PHEX: variants seen among roughly 807,000 people sequenced by gnomAD.
PHEX encodes the protein phosphate-regulating neutral endopeptidase PHEX.
In PHEX, 16 loss-of-function variants were observed where a neutral mutation model predicts 68.0. That is an observed-to-expected ratio of 0.24 (90% CI 0.16 to 0.36). The LOEUF is 0.36. Ranked by LOEUF, PHEX falls within the 10% of genes least tolerant of loss-of-function variation. PHEX has a pLI of 1.00. For synonymous variants in PHEX, 208 were observed against 205.1 expected, an observed-to-expected ratio of 1.01 and a Z score of -0.12; for missense variants, 480 against 575.5, an observed-to-expected ratio of 0.83 and a Z score of 1.70.
intron 14 of PHEX, among the ~76,000 whole-genome samples, chrX:22,183,327 T>G (rs979297034): frequency 3.9e-4 from 43 of 111,282 alleles, no homozygotes; most frequent in African/African-American, 1.3e-3. Flanking sequence ...AATATGCACC[T>G]GAAAAATTCA....
intron 12 of PHEX, among the ~76,000 whole-genome samples, chrX:22,134,253 A>G (rs1932138727): frequency 8.9e-6 from 1 of 112,192 alleles, no homozygotes; most frequent in African/African-American, 3.2e-5. Flanking sequence ...ATGCGACACG[A>G]TAAGGGAACA....
intron 21 of PHEX, 40 bp from the exon 22 acceptor site, chrX:22,247,811 A>G (rs746032478): frequency 3.2e-6 from 3 of 947,162 alleles, no homozygotes; most frequent in Non-Finnish European, 4.6e-6. Flanking sequence ...GTTGATGTGC[A>G]AGAATTATAT....
intron 12 of PHEX, among the ~76,000 whole-genome samples, chrX:22,150,838 G>T (rs901538944): frequency 1.8e-5 from 2 of 112,500 alleles, no homozygotes; most frequent in Non-Finnish European, 3.8e-5. Flanking sequence ...AGCCCCAATT[G>T]TCCCTTGGTT....
chrX:22,033,212 G>A (rs1363111847), intron 1 of PHEX, 89 bp downstream of exon 1: 9 of 633,500 alleles, frequency 1.4e-5, no homozygotes, highest in Non-Finnish European at 5.4e-6. Context: ...CATAACACAG[G>A]TATAGGGCTG....
At chrX:22,209,656 C>T (rs954698683) in intron 15 of PHEX, among the ~76,000 whole-genome samples, 58 of 108,855 alleles carry the variant, frequency 5.3e-4, no homozygotes, top group African/African-American at 1.9e-3. Context: ...ACTAGTTAAA[C>T]GTCTCTCTCC....
At chrX:22,229,645 T>C (rs1232502044) in intron 20 of PHEX, among the ~76,000 whole-genome samples, 8 of 112,426 alleles carry the variant, frequency 7.1e-5, no homozygotes, top group African/African-American at 2.6e-4. Flanking sequence ...TACTAGCCCT[T>C]TGTCAAATGG....
Position 22,062,123 on chromosome X carries a change from T to C in PHEX, c.350-14265T>C, listed in dbSNP as rs770703030. Among the ~76,000 whole-genome samples, 3 of 111,455 alleles carry C rather than the reference T, an allele frequency of 2.7e-5. No individual in the cohort carries two copies. In the South Asian group the frequency reaches 1.1e-3, roughly 42 times the overall value. ...CATGATCTAATCACCTCCCATGACG[T>C]TCTTCCCTCAACACGTGGGGATTAT... On this transcript the variant is annotated intron_variant, in intron 3 of 21. Transcript: ENST00000379374.
At chrX:22,212,637 G>A (rs1934965396) in intron 15 of PHEX, among the ~76,000 whole-genome samples, 1 of 111,939 alleles carries the variant, frequency 8.9e-6, no homozygotes, top group Admixed American at 9.4e-5. Flanking sequence ...AGCATGCCAT[G>A]TATGAAGGAG....
chrX:22,126,597 G>C (rs1169706925), intron 11 of PHEX, among the ~76,000 whole-genome samples: 1 of 111,409 alleles, frequency 9.0e-6, no homozygotes, highest in Non-Finnish European at 1.9e-5. Flanking sequence ...AGGAGCAGGA[G>C]AGATAATTTA....
chrX:22,137,621 C>T (rs1471168769), intron 12 of PHEX, among the ~76,000 whole-genome samples: 2 of 111,476 alleles, frequency 1.8e-5, no homozygotes, highest in Non-Finnish European at 3.8e-5. Flanking sequence ...TGGTGGTTCT[C>T]AAGGTGTGGT....
chrX:22,099,526 G>C (rs1329320758), intron 9 of PHEX, among the ~76,000 whole-genome samples: 1 of 100,822 alleles, frequency 9.9e-6, no homozygotes, highest in Non-Finnish European at 2.0e-5. Context: ...TTTTTTCCTG[G>C]TTCCTTTTTA....
intron 3 of PHEX, among the ~76,000 whole-genome samples, chrX:22,052,137 C>G (rs1927863368): frequency 8.9e-6 from 1 of 112,105 alleles, no homozygotes; most frequent in Non-Finnish European, 1.9e-5. Flanking sequence ...TACTTCACCA[C>G]CCAGCAATAA....
intron 14 of PHEX, among the ~76,000 whole-genome samples, chrX:22,183,483 G>A (rs1933940460): frequency 9.4e-6 from 1 of 106,537 alleles, no homozygotes; most frequent in East Asian, 2.8e-4. Context: ...TTGCTCCACT[G>A]TCTTTGGTTC....
At chrX:22,144,622 G>A (rs999575864) in intron 12 of PHEX, among the ~76,000 whole-genome samples, 11 of 110,114 alleles carry the variant, frequency 1.0e-4, no homozygotes, top group Non-Finnish European at 1.1e-4. Flanking sequence ...CAACATATAA[G>A]GAATTTTAAA....
intron 20 of PHEX, among the ~76,000 whole-genome samples, chrX:22,243,420 A>G (rs964038207): frequency 1.8e-5 from 2 of 112,204 alleles, no homozygotes; most frequent in Admixed American, 9.4e-5. Context: ...ACAAAAGCCA[A>G]AATTGACAAA....
chrX:22,035,311 C>G lies in PHEX; in HGVS notation c.118+2188C>G, dbSNP rs771077449. On this transcript the variant is annotated intron_variant, in intron 1 of 21. Coordinates refer to ENST00000379374, the MANE Select transcript of PHEX (RefSeq NM_000444.6). ...TTCTTCTTCTCCTTCCCCTCTCTTT[C>G]CTCCCCACAATCTGTTTCTCAGATG... Among the ~76,000 whole-genome samples the G allele has an allele frequency of 2.7e-5, 3 of 111,620 alleles. No individual in the cohort carries two copies. The East Asian group carries it at 8.5e-4, about 32-fold the overall frequency.
At chrX:22,208,046 C>A (rs1934768007) in intron 15 of PHEX, among the ~76,000 whole-genome samples, 1 of 102,567 alleles carries the variant, frequency 9.7e-6, no homozygotes. Flanking sequence ...AGCCCCCCAC[C>A]CCCCGACAGG....
At chrX:22,102,891 C>G (rs1930493305) in intron 9 of PHEX, among the ~76,000 whole-genome samples, 1 of 112,316 alleles carries the variant, frequency 8.9e-6, no homozygotes, top group Admixed American at 9.4e-5. Context: ...CATTGGGCAT[C>G]TCTGCTGTGC....
At chrX:22,220,798 CAACTT>C (rs773568035) in intron 17 of PHEX, among the ~76,000 whole-genome samples, 1 of 112,172 alleles carries the variant, frequency 8.9e-6, no homozygotes, top group South Asian at 3.7e-4. Flanking sequence ...TTCCAATTAA[CAACTT>C]TACTTACGGG....
Sources: allele counts gnomAD v4.1 joint callset (sites outside exome capture counted in the v4.1 genomes callset), GRCh38; gene constraint gnomAD v4.1.1; transcripts MANE v1.5; gene names NCBI Gene and HGNC (gene_info 2026-07-23, HGNC 2026-07-21).